The following SEMA6D variants were observed in gnomAD, a reference collection of about 807,000 sequenced individuals.
SEMA6D encodes semaphorin-6D.
In SEMA6D, 35 loss-of-function variants were observed where a neutral mutation model predicts 106.6. That is an observed-to-expected ratio of 0.33 (90% CI 0.25 to 0.44). The LOEUF (loss-of-function observed/expected upper bound fraction) is 0.44. Ranked by LOEUF, SEMA6D falls within the 20% of genes least tolerant of loss-of-function variation. SEMA6D has a pLI of 1.00. For missense variants in SEMA6D, 1,185 were observed against 1,345.9 expected (o/e 0.88, Z 1.87); for synonymous variants, 499 against 487.7 (o/e 1.02, Z -0.31).
rs1278283145 is a variant in SEMA6D at position 47,772,931 on chromosome 15, T to C, written c.*1146T>C. ...ACATATGAAAGGAATTGTAATTGGC[T>C]TAACAGAAACAGTCTGTAAAAACCT... On this transcript the variant is annotated 3_prime_UTR_variant, in exon 19 of 19. Transcript: ENST00000536845. The C allele has an allele frequency of 6.6e-6, 1 of 151,934 alleles. No individual in the cohort carries two copies. The highest frequency in any genetic ancestry group is 1.5e-5 in the Non-Finnish European group (1 of 68,000). 9.4% of individuals were successfully genotyped at this position (151,934 alleles called of 1,614,324 possible).
chr15:47,533,190 T>A (rs1391193117), intron 3 of SEMA6D, among the ~76,000 whole-genome samples: 1 of 152,208 alleles, frequency 6.6e-6, no homozygotes, highest in Non-Finnish European at 1.5e-5. Flanking sequence ...CTAATGCATC[T>A]GTAGATGGTA....
chr15:47,427,803 TAA>T (rs2041389949), intron 2 of SEMA6D, among the ~76,000 whole-genome samples: 1 of 152,162 alleles, frequency 6.6e-6, no homozygotes, highest in African/African-American at 2.4e-5. Context: ...TTATTAACTT[TAA>T]GAGTTCTGCC....
At chr15:47,399,726 C>G (rs563819447) in intron 1 of SEMA6D, among the ~76,000 whole-genome samples, 1 of 152,252 alleles carries the variant, frequency 6.6e-6, no homozygotes, top group East Asian at 1.9e-4. Flanking sequence ...GACTAAAGGA[C>G]AGAAACAAAT....
chr15:47,740,717 G>T (rs1318478596), intron 1 of SEMA6D, among the ~76,000 whole-genome samples: 3 of 152,252 alleles, frequency 2.0e-5, no homozygotes, highest in Middle Eastern at 3.4e-3. Flanking sequence ...TTATTTCCAA[G>T]CAAGAGCACC....
At chr15:47,682,594 C>T (rs1053764141) in intron 4 of SEMA6D, among the ~76,000 whole-genome samples, 2 of 152,168 alleles carry the variant, frequency 1.3e-5, no homozygotes, top group African/African-American at 4.8e-5. Context: ...TTTATTAGCC[C>T]ATTTACAGGG....
chr15:47,374,587 G>C (rs1234902511), intron 1 of SEMA6D, among the ~76,000 whole-genome samples: 3 of 152,142 alleles, frequency 2.0e-5, no homozygotes, highest in African/African-American at 7.2e-5. Context: ...GTTGTCAATA[G>C]ATGTTAAGGC....
intron 4 of SEMA6D, among the ~76,000 whole-genome samples, chr15:47,702,028 T>C (rs1414358625): frequency 6.6e-6 from 1 of 152,220 alleles, no homozygotes; most frequent in Non-Finnish European, 1.5e-5. Flanking sequence ...TTTCTTCTTC[T>C]TTTTGGCCAA....
intron 3 of SEMA6D, among the ~76,000 whole-genome samples, chr15:47,591,787 T>A (rs1363610098): frequency 1.3e-5 from 2 of 152,076 alleles, no homozygotes; most frequent in Admixed American, 6.5e-5. Flanking sequence ...CTTCAGGATG[T>A]TGAGAGAATT....
intron 1 of SEMA6D, among the ~76,000 whole-genome samples, chr15:47,283,406 G>A (rs2035219408): frequency 6.6e-6 from 1 of 152,128 alleles, no homozygotes; most frequent in Non-Finnish European, 1.5e-5. Flanking sequence ...CTGATTAATT[G>A]GTTGAATTGT....
At chr15:47,720,175 A>G (rs909392164) in intron 1 of SEMA6D, among the ~76,000 whole-genome samples, 9 of 152,152 alleles carry the variant, frequency 5.9e-5, no homozygotes, top group Non-Finnish European at 5.9e-5. Context: ...TGTTAGATTA[A>G]CAACTAGCAA....
At chr15:47,464,795 C>T (rs1163268302) in intron 2 of SEMA6D, among the ~76,000 whole-genome samples, 2 of 152,054 alleles carry the variant, frequency 1.3e-5, no homozygotes, top group East Asian at 3.9e-4. Flanking sequence ...TATATGAGTC[C>T]ATACAAAGTT....
At chr15:47,204,608 A>C (rs2141120670) in intron 1 of SEMA6D, among the ~76,000 whole-genome samples, 1 of 152,240 alleles carries the variant, frequency 6.6e-6, no homozygotes, top group African/African-American at 2.4e-5. Flanking sequence ...GCAATATAGA[A>C]TCAAAGGGGA....
chr15:47,396,034 AAG>A (rs2040202565), intron 1 of SEMA6D, among the ~76,000 whole-genome samples: 1 of 152,132 alleles, frequency 6.6e-6, no homozygotes, highest in East Asian at 1.9e-4. Context: ...TAAGAAGAGG[AAG>A]AGACACCAGC....
At chr15:47,550,311 CTG>C (rs1362379038) in intron 3 of SEMA6D, among the ~76,000 whole-genome samples, 2 of 152,092 alleles carry the variant, frequency 1.3e-5, no homozygotes, top group Non-Finnish European at 2.9e-5. Context: ...TCAAATATTT[CTG>C]TAATACCACA....
At chr15:47,203,133 C>T (rs900672862) in intron 1 of SEMA6D, among the ~76,000 whole-genome samples, 1 of 152,100 alleles carries the variant, frequency 6.6e-6, no homozygotes, top group Non-Finnish European at 1.5e-5. Flanking sequence ...CCACCTTTCA[C>T]TATTAAAAGT....
intron 1 of SEMA6D, among the ~76,000 whole-genome samples, chr15:47,269,752 A>G (rs915712940): frequency 2.0e-5 from 3 of 152,144 alleles, no homozygotes; most frequent in African/African-American, 4.8e-5. Context: ...TGTTCTTTCT[A>G]ATAAGGTAAT....
At chr15:47,234,037 G>C (rs1281410401) in intron 1 of SEMA6D, among the ~76,000 whole-genome samples, 2 of 151,974 alleles carry the variant, frequency 1.3e-5, no homozygotes, top group African/African-American at 4.8e-5. Context: ...AATGTCTGCT[G>C]CCTGAGAAAA....
chr15:47,744,363 G>A (rs2080995939), intron 1 of SEMA6D, among the ~76,000 whole-genome samples: 1 of 152,142 alleles, frequency 6.6e-6, no homozygotes, highest in Non-Finnish European at 1.5e-5. Context: ...CAGCTGCAAA[G>A]CACATTGGGA....
intron 1 of SEMA6D, among the ~76,000 whole-genome samples, chr15:47,379,303 A>G (rs1224131562): frequency 6.6e-6 from 1 of 152,250 alleles, no homozygotes; most frequent in East Asian, 1.9e-4. Flanking sequence ...ATATTAAGTC[A>G]TTTATTTAAT....
Sources: allele counts gnomAD v4.1 joint callset (sites outside exome capture counted in the v4.1 genomes callset), GRCh38; gene constraint gnomAD v4.1.1; transcripts MANE v1.5; gene names NCBI Gene and HGNC (gene_info 2026-07-23, HGNC 2026-07-21).